LRRTM4: variants seen among roughly 807,000 people sequenced by gnomAD.
LRRTM4 encodes the protein leucine rich repeat transmembrane neuronal 4, also known as leucine-rich repeat transmembrane neuronal protein 4.
In LRRTM4, 25 loss-of-function variants were observed where a neutral mutation model predicts 47.6. The ratio of observed to expected loss-of-function variants is 0.53; its 90% CI spans 0.38 to 0.73. LRRTM4 has a LOEUF of 0.73. Ranked by LOEUF, LRRTM4 falls within the 30% of genes least tolerant of loss-of-function variation. LRRTM4 has a pLI of 0.00. For synonymous variants in LRRTM4, 311 were observed against 269.5 expected, an observed-to-expected ratio of 1.15 and a Z score of -1.51; for missense variants, 638 against 713.4, an observed-to-expected ratio of 0.89 and a Z score of 1.20.
intron 3 of LRRTM4, among the ~76,000 whole-genome samples, chr2:76,901,101 T>A (rs1047207339): frequency 4.6e-5 from 7 of 152,104 alleles, no homozygotes; most frequent in Admixed American, 4.6e-4. Context: ...GTTTGTTACA[T>A]TGGTAAACGT....
intron 3 of LRRTM4, among the ~76,000 whole-genome samples, chr2:77,482,994 A>C (rs1334890649): frequency 1.3e-5 from 2 of 151,200 alleles, no homozygotes; most frequent in Non-Finnish European, 2.9e-5. Flanking sequence ...GGTGGCGGGC[A>C]CCTGTAGTCC....
chr2:77,301,000 T>C (rs75148580), intron 3 of LRRTM4, among the ~76,000 whole-genome samples: 3,054 of 152,228 alleles, frequency 0.02, 55 homozygotes, highest in African/African-American at 0.041. Context: ...GCACTTTTTT[T>C]CTTTTCCTTT....
rs553889692 is a variant in LRRTM4 at position 77,092,673 on chromosome 2, G to A, written c.1552-343757C>T. ...TCTAGGTAGATACTTTCACTGGATA[G>A]GTACAGGCCTTTCCTACAGGGTCTG... On this transcript the variant is annotated intron_variant, in intron 3 of 3. Coordinates refer to ENST00000409884, the MANE Select transcript of LRRTM4 (RefSeq NM_001134745.3). Among the ~76,000 whole-genome samples, 236 of 142,632 alleles carry A rather than the reference G, an allele frequency of 1.7e-3. 8 individuals carry two copies. Among genetic ancestry groups the A allele is most frequent in the Middle Eastern group, 0.01 (3 of 288 alleles). 93.6% of individuals were successfully genotyped at this position (142,632 alleles called of 152,430 possible).
intron 3 of LRRTM4, among the ~76,000 whole-genome samples, chr2:76,795,795 G>C (rs72919646): frequency 0.12 from 18,716 of 151,978 alleles, 1,381 homozygotes; most frequent in East Asian, 0.29. Flanking sequence ...TATCAGAAAA[G>C]AAAAGTGAAG....
chr2:77,389,828 T>G (rs536323438), intron 3 of LRRTM4, among the ~76,000 whole-genome samples: 1 of 152,152 alleles, frequency 6.6e-6, no homozygotes. Context: ...TCCTTTCTTC[T>G]TTTCATTTCT....
At chr2:77,465,868 G>T (rs1480792371) in intron 3 of LRRTM4, among the ~76,000 whole-genome samples, 1 of 152,126 alleles carries the variant, frequency 6.6e-6, no homozygotes, top group African/African-American at 2.4e-5. Flanking sequence ...CCTCTTCACT[G>T]ATTAGATTCC....
chr2:77,264,326 CAG>C (rs141182779), intron 3 of LRRTM4, among the ~76,000 whole-genome samples: 5 of 150,484 alleles, frequency 3.3e-5, no homozygotes, highest in Non-Finnish European at 5.9e-5. Context: ...GAGAGAGAGA[CAG>C]AGAGAGAGAG....
intron 3 of LRRTM4, among the ~76,000 whole-genome samples, chr2:77,427,322 T>C (rs760304489): frequency 2.0e-5 from 3 of 152,164 alleles, no homozygotes; most frequent in Non-Finnish European, 4.4e-5. Context: ...TGGGACCTAG[T>C]TAATATCTGA....
intron 3 of LRRTM4, among the ~76,000 whole-genome samples, chr2:77,224,569 C>T (rs555458004): frequency 1.3e-5 from 2 of 152,280 alleles, no homozygotes; most frequent in South Asian, 2.1e-4. Context: ...ACAGACATTT[C>T]TCAAAAGAAG....
chr2:77,095,439 G>A (rs1333773656), intron 3 of LRRTM4, among the ~76,000 whole-genome samples: 1 of 151,318 alleles, frequency 6.6e-6, no homozygotes, highest in Non-Finnish European at 1.5e-5. Flanking sequence ...ATGTCAAAGA[G>A]ATATCTGCAC....
chr2:76,815,529 G>A (rs988129391), intron 3 of LRRTM4, among the ~76,000 whole-genome samples: 5 of 152,054 alleles, frequency 3.3e-5, no homozygotes, highest in African/African-American at 1.2e-4. Flanking sequence ...GCTTAAGGCA[G>A]GATCTGACAA....
chr2:77,513,929 A>T (rs1679114000), intron 3 of LRRTM4, among the ~76,000 whole-genome samples: 1 of 152,130 alleles, frequency 6.6e-6, no homozygotes. Context: ...TAACTAAAAA[A>T]TCTTGGTGAT....
intron 3 of LRRTM4, among the ~76,000 whole-genome samples, chr2:76,877,221 T>C (rs1382646076): frequency 6.6e-6 from 1 of 152,156 alleles, no homozygotes; most frequent in African/African-American, 2.4e-5. Context: ...CAGTTTGAAG[T>C]GAATAGTCCA....
intron 3 of LRRTM4, among the ~76,000 whole-genome samples, chr2:76,850,639 C>G (rs1018946088): frequency 2.0e-5 from 3 of 152,152 alleles, no homozygotes; most frequent in African/African-American, 4.8e-5. Flanking sequence ...ACAGTAGGAA[C>G]TTAGCAACTG....
chr2:77,103,143 G>A (rs988256131), intron 3 of LRRTM4, among the ~76,000 whole-genome samples: 6 of 152,246 alleles, frequency 3.9e-5, no homozygotes, highest in Admixed American at 3.9e-4. Context: ...ATCCATTCCA[G>A]GTTTCATTTG....
chr2:77,343,453 C>G (rs952496119), intron 3 of LRRTM4, among the ~76,000 whole-genome samples: 54 of 151,866 alleles, frequency 3.6e-4, no homozygotes, highest in African/African-American at 1.2e-3. Context: ...ACTAGTTGCT[C>G]TGAACTAGTA....
chr2:77,510,929 A>C (rs772155609), intron 3 of LRRTM4, among the ~76,000 whole-genome samples: 1 of 152,066 alleles, frequency 6.6e-6, no homozygotes, highest in Non-Finnish European at 1.5e-5. Context: ...ACTATACCTT[A>C]TTTACTTCCA....
intron 3 of LRRTM4, among the ~76,000 whole-genome samples, chr2:77,298,495 C>T (rs529121737): frequency 1.2e-3 from 183 of 152,280 alleles, no homozygotes; most frequent in African/African-American, 4.2e-3. Flanking sequence ...CCTCGGCCTC[C>T]CAAAGTGCTG....
chr2:77,124,576 A>G (rs553879115), intron 3 of LRRTM4, among the ~76,000 whole-genome samples: 4 of 152,180 alleles, frequency 2.6e-5, no homozygotes, highest in Admixed American at 6.6e-5. Context: ...TCAAAGTCAC[A>G]TCATCACACC....
Sources: allele counts gnomAD v4.1 joint callset (sites outside exome capture counted in the v4.1 genomes callset), GRCh38; gene constraint gnomAD v4.1.1; transcripts MANE v1.5; gene names NCBI Gene and HGNC (gene_info 2026-07-23, HGNC 2026-07-21).